Variants in CIITA observed in about 807,000 individuals in gnomAD.
CIITA encodes MHC class II transactivator.
A neutral mutation model predicts 115.1 loss-of-function variants in CIITA; 72 were observed. The observed-to-expected ratio is 0.63, with a 90% CI of 0.52 to 0.76. The LOEUF (loss-of-function observed/expected upper bound fraction) is 0.76. CIITA is among the 30% of genes least tolerant of loss of function. The pLI, the probability that CIITA is intolerant of heterozygous loss-of-function variation, is 0.00. For synonymous variants in CIITA, 763 were observed against 635.6 expected, an observed-to-expected ratio of 1.20 and a Z score of -3.02; for missense variants, 1,617 against 1,463.8, an observed-to-expected ratio of 1.10 and a Z score of -1.71.
Position 10,902,109 on chromosome 16 carries a change from C to T in CIITA, c.553C>T (p.Leu185=). 6.2e-7 allele frequency: 1 copy of T among 1,614,210 alleles called. No homozygotes were observed. The highest frequency in any genetic ancestry group is 8.5e-7 in the Non-Finnish European group (1 of 1,180,038). The change falls in exon 7 of 20, where the codon CTG becomes TTG. Residue 185 remains leucine (L), a synonymous_variant. Coordinates refer to ENST00000324288, the MANE Select transcript of CIITA (RefSeq NM_000246.4). ...GAGCGACTGCTCCACCCTGCCCTGC[C>T]TGCCACTGCCTGCGCTGTTCAACCA... ...PVSDCSTLPC[L]PLPALFNQEP... is the part of the protein sequence containing the mutation.
chr16:10,882,106 G>A (rs2036488908), intron 1 of CIITA, among the ~76,000 whole-genome samples: 1 of 152,134 alleles, frequency 6.6e-6, no homozygotes, highest in Non-Finnish European at 1.5e-5. Flanking sequence ...TGACTATTGT[G>A]AATAATCTTG....
Position 10,901,019 on chromosome 16 carries a change from G to C in CIITA, c.437-495G>C, listed in dbSNP as rs1040170782. Among the ~76,000 whole-genome samples the C allele has an allele frequency of 6.6e-6, 1 of 152,064 alleles. No homozygotes were observed. The highest frequency in any genetic ancestry group is 1.5e-5 in the Non-Finnish European group (1 of 68,010). On this transcript the variant is annotated intron_variant, in intron 5 of 19. Transcript: ENST00000324288. This position sits in a 1 kb window ranked among gnomAD's most constrained non-coding sequence, Gnocchi z 6.8. ...TTTAAGGCCATGCAGTGTTTCGTTG[G>C]GTAGATGAACCATAATTTGTTTAAG...
At position 10,907,686 on chromosome 16, in the gene CIITA, G is replaced by C; in HGVS notation, c.2194G>C (p.Glu732Gln). 2 of 1,614,232 alleles carry C rather than the reference G, an allele frequency of 1.2e-6. No individual in the cohort carries two copies. The highest frequency in any genetic ancestry group is 1.7e-6 in the Non-Finnish European group (2 of 1,180,032). ...TCTGAGTGGCGAAATCAAGGACAAGGAGCTCCCGCAGTACCTAGCATTGAC... is the reference window on the plus strand; with the variant it reads ...TCTGAGTGGCGAAATCAAGGACAAGCAGCTCCCGCAGTACCTAGCATTGAC... ...LALSGEIKDK[E>Q]LPQYLALTPR... The change falls in exon 11 of 20, where the codon GAG (glutamate) becomes CAG (glutamine). Residue 732 changes from glutamate to glutamine, a missense_variant. Transcript: ENST00000324288. The surrounding 1 kb of genome is among the most constrained non-coding windows in gnomAD (Gnocchi z 5.0).
chr16:10,891,917 A>T (rs1596482681), intron 1 of CIITA, among the ~76,000 whole-genome samples: 1 of 152,320 alleles, frequency 6.6e-6, no homozygotes, highest in East Asian at 1.9e-4. Context: ...CGTCATGAAC[A>T]AGTGGGCCCA....
chr16:10,872,888 G>T (rs1308193139), upstream of CIITA, among the ~76,000 whole-genome samples: 2 of 152,192 alleles, frequency 1.3e-5, no homozygotes, highest in Non-Finnish European at 1.5e-5. Flanking sequence ...CATCCATTTG[G>T]AACTGGAGGC....
At chr16:10,878,986 A>G (rs1454754290) in intron 1 of CIITA, 1 of 221,932 alleles carries the variant, frequency 4.5e-6, no homozygotes, top group Non-Finnish European at 9.0e-6. Context: ...CCGCGGCCCC[A>G]GAGCTGGCGG....
At position 10,941,822 on chromosome 16, in the gene CIITA, C is replaced by T. The variant is rs765635147; in HGVS notation, n.948C>T. On this transcript the variant is annotated non_coding_transcript_exon_variant, in exon 2 of 2. Transcript: ENST00000573379. This position sits in a 1 kb window ranked among gnomAD's most constrained non-coding sequence, Gnocchi z 6.4. The stretch of plus-strand genomic sequence containing the variant: ...AGGTCCACGAGCGCCTGGTCCATGT[C>T]CTCGGGCAGGAAGACGAGGCCCACG... 5.6e-6 allele frequency: 9 copies of T among 1,613,532 alleles called. No homozygotes were observed. Among genetic ancestry groups the T allele is most frequent in the Non-Finnish European group, 7.6e-6 (9 of 1,179,852 alleles).
At chr16:10,903,195 T>C (rs2038907668) in intron 8 of CIITA, among the ~76,000 whole-genome samples, 1 of 152,240 alleles carries the variant, frequency 6.6e-6, no homozygotes, top group Admixed American at 6.5e-5. Context: ...TGTGAATAGT[T>C]TGGTGTGCAT....
At position 10,899,032 on chromosome 16, in the gene CIITA, G is replaced by A. The variant is rs773613351; in HGVS notation, c.436+30G>A. 9.9e-6 allele frequency: 16 copies of A among 1,610,526 alleles called. No individual in the cohort carries two copies. The South Asian group carries it at 1.5e-4, about 15-fold the overall frequency. ...GTGAGCCCCTCCCTGATCCAACCTA[G>A]CCTTGCTTGAGACCTGGCCTTTCCT... is the stretch of plus-strand genomic sequence containing the variant. On this transcript the variant is annotated intron_variant, in intron 5 of 19. Coordinates refer to ENST00000324288, the MANE Select transcript of CIITA (RefSeq NM_000246.4).
intron 12 of CIITA, among the ~76,000 whole-genome samples, chr16:10,909,558 G>T (rs189445180): frequency 1.3e-5 from 2 of 152,318 alleles, no homozygotes; most frequent in East Asian, 3.9e-4. Flanking sequence ...AGACGGCAGA[G>T]CTAAGGTCCA....
rs1247007918 is a variant in CIITA, at chr16:10,906,846, C to T, written c.1354C>T (p.Pro452Ser). Residue 452 changes from proline (P) to serine (S), a missense_variant, in exon 11 of 20, where the codon CCC becomes TCC. Transcript: ENST00000324288. ...LPQYDFVFSVPCHCLNRPGDA... is the reference protein window; with the variant it reads ...LPQYDFVFSVSCHCLNRPGDA... ...CCAGTACGACTTTGTCTTCTCTGTC[C>T]CCTGCCATTGCTTGAACCGTCCGGG... is the stretch of plus-strand genomic sequence containing the variant. The T allele has an allele frequency of 6.2e-7, 1 of 1,613,270 alleles. No individual in the cohort carries two copies. The highest frequency in any genetic ancestry group is 1.3e-5 in the African/African-American group (1 of 74,918).
chr16:10,903,880 C>T lies in CIITA; in HGVS notation c.922C>T (p.Arg308Ter), dbSNP rs567218474. 10 of 1,614,182 alleles carry T rather than the reference C, an allele frequency of 6.2e-6. No homozygotes were observed. In the Admixed American group the frequency reaches 8.3e-5, roughly 13 times the overall value. The stretch of plus-strand genomic sequence containing the variant: ...CATGCCTGAACCTGCCCTGACCTCC[C>T]GAGCAAACATGACAGGTAAGGACCC... ...PSMPEPALTS[R>*]ANMTEHKTSP... is the part of the protein sequence containing the mutation. The change falls in exon 9 of 20, where the codon CGA becomes TGA. Residue 308 changes from arginine to a stop codon, truncating the protein, a stop_gained. Transcript: ENST00000324288. LOFTEE classifies it high-confidence loss of function.
At position 10,941,708 on chromosome 16, in the gene CIITA, A is replaced by T. The variant is rs558374201; in HGVS notation, n.834A>T. Reference sequence around the variant, plus strand: ...ATCGTGTAGGGAAGAGGGGAACAGCAGTCGAGACCCTACTCCAAGTACGCA... The same window carrying T: ...ATCGTGTAGGGAAGAGGGGAACAGCTGTCGAGACCCTACTCCAAGTACGCA... On this transcript the variant is annotated non_coding_transcript_exon_variant, in exon 2 of 2. Transcript: ENST00000573379. The surrounding 1 kb of genome is among the most constrained non-coding windows in gnomAD (Gnocchi z 6.4). 3 of 1,598,152 alleles carry T rather than the reference A, an allele frequency of 1.9e-6. No individual in the cohort carries two copies. The highest frequency in any genetic ancestry group is 4.5e-5 in the East Asian group (2 of 44,212).
At chr16:10,916,760 C>G (rs2039975055) in intron 15 of CIITA, 1 of 472,882 alleles carries the variant, frequency 2.1e-6, no homozygotes, top group African/African-American at 1.9e-5. Flanking sequence ...AATGATTCAT[C>G]CATTCACTTA....
In CIITA at chr16:10,902,155, T is replaced by A; in HGVS notation, c.599T>A (p.Met200Lys). ...LFNQEPASGQMRLEKTDQIPM... is the reference protein window; with the variant it reads ...LFNQEPASGQKRLEKTDQIPM... ...AACCAGGAGCCAGCCTCCGGCCAGA[T>A]GCGCCTGGAGAAAACCGACCAGATT... The change falls in exon 7 of 20, where the codon ATG becomes AAG. Residue 200 changes from methionine to lysine, a missense_variant. By Grantham distance (95) the Met-to-Lys change is moderately conservative. Coordinates refer to ENST00000324288, the MANE Select transcript of CIITA (RefSeq NM_000246.4). 6.2e-7 allele frequency: 1 copy of A among 1,614,116 alleles called. No homozygotes were observed. Among genetic ancestry groups the A allele is most frequent in the Non-Finnish European group, 8.5e-7 (1 of 1,180,010 alleles).
intron 13 of CIITA, among the ~76,000 whole-genome samples, chr16:10,910,510 T>C (rs1367292010): frequency 6.6e-6 from 1 of 152,166 alleles, no homozygotes; most frequent in African/African-American, 2.4e-5. Flanking sequence ...AACAGAGGTA[T>C]TGAGCACTTG....
chr16:10,890,215 C>T (rs551599185), intron 1 of CIITA, among the ~76,000 whole-genome samples: 1 of 151,902 alleles, frequency 6.6e-6, no homozygotes, highest in East Asian at 1.9e-4. Flanking sequence ...ACTTTTTGCC[C>T]AGGCAACTTC....
intron 1 of CIITA, chr16:10,878,888 C>T (rs1348601147): frequency 4.4e-6 from 1 of 228,818 alleles, no homozygotes; most frequent in Non-Finnish European, 8.7e-6. Flanking sequence ...GGCCCGAGCT[C>T]AGCGCTGCAG....
intron 1 of CIITA, among the ~76,000 whole-genome samples, chr16:10,881,590 C>T (rs190255545): frequency 6.6e-6 from 1 of 152,150 alleles, no homozygotes; most frequent in East Asian, 1.9e-4. Flanking sequence ...TCTTTTTCAA[C>T]CACAAGTGAT....
Sources: allele counts gnomAD v4.1 joint callset (sites outside exome capture counted in the v4.1 genomes callset), GRCh38; gene constraint gnomAD v4.1.1; non-coding constraint Gnocchi (gnomAD v3.1); transcripts MANE v1.5; gene names NCBI Gene and HGNC (gene_info 2026-07-23, HGNC 2026-07-21).